The following CCDC171 variants were observed in gnomAD, a reference collection of about 807,000 sequenced individuals.
CCDC171 encodes coiled-coil domain-containing protein 171.
A neutral mutation model predicts 168.2 loss-of-function variants in CCDC171; 177 were observed. That is an observed-to-expected ratio of 1.05 (90% confidence interval 0.93 to 1.19). CCDC171 has a LOEUF of 1.19. Ranked by LOEUF, CCDC171 falls within the 50% of genes most tolerant of loss-of-function variation. The pLI, the probability that CCDC171 is intolerant of heterozygous loss-of-function variation, is 0.00. For missense variants in CCDC171, 1,991 were observed against 1,539.0 expected, an observed-to-expected ratio of 1.29 and a Z score of -4.91; for synonymous variants, 687 against 540.8, an observed-to-expected ratio of 1.27 and a Z score of -3.75.
At chr9:15,901,538 A>ATTT (rs1821667293) in intron 24 of CCDC171, among the ~76,000 whole-genome samples, 1 of 152,242 alleles carries the variant, frequency 6.6e-6, no homozygotes, top group Non-Finnish European at 1.5e-5. Context: ...TAAATATACC[A>ATTT]TAAAATCTAT....
chr9:15,781,054 T>C (rs1382544093), intron 20 of CCDC171, among the ~76,000 whole-genome samples: 1 of 152,156 alleles, frequency 6.6e-6, no homozygotes, highest in African/African-American at 2.4e-5. Flanking sequence ...AGATTTAGAG[T>C]ATAGTCAACT....
chr9:15,830,318 A>C (rs995530714), intron 21 of CCDC171, among the ~76,000 whole-genome samples: 25 of 152,332 alleles, frequency 1.6e-4, no homozygotes, highest in African/African-American at 6.0e-4. Context: ...TACATGTTAT[A>C]ACCAGCAGAG....
At position 15,918,780 on chromosome 9, in the gene CCDC171, TA is replaced by T. The variant is rs549605406; in HGVS notation, c.3601-1489del. On this transcript the variant is annotated intron_variant, in intron 24 of 25. Transcript: ENST00000380701. ...CTTTTTTTCAACTTGAACAGAGTAT[TA>T]TTAATAATTTATTCATTAGATTAGG... is the stretch of plus-strand genomic sequence containing the variant. Among the ~76,000 whole-genome samples the T allele has an allele frequency of 3.8e-3, 571 of 151,726 alleles. 2 individuals carry two copies. Among genetic ancestry groups the T allele is most frequent in the Admixed American group, 8.4e-3 (127 of 15,200 alleles).
At chr9:15,824,319 T>C (rs2059922544) in intron 21 of CCDC171, among the ~76,000 whole-genome samples, 1 of 151,938 alleles carries the variant, frequency 6.6e-6, no homozygotes, top group African/African-American at 2.4e-5. Context: ...TTACAAATAA[T>C]TATACATTTA....
At chr9:15,615,667 A>C (rs1023018373) in intron 6 of CCDC171, among the ~76,000 whole-genome samples, 1 of 152,130 alleles carries the variant, frequency 6.6e-6, no homozygotes, top group African/African-American at 2.4e-5. Flanking sequence ...AAAGGATTAA[A>C]TTTAAACTTG....
chr9:15,952,747 C>T (rs1012104509), intron 25 of CCDC171, among the ~76,000 whole-genome samples: 1 of 152,096 alleles, frequency 6.6e-6, no homozygotes, highest in Non-Finnish European at 1.5e-5. Context: ...ATAGGGAGTG[C>T]ATCGACTCTG....
rs1461127316 is a variant in CCDC171, at chr9:15,798,941, T to G, written c.3267+14247T>G. 2.6e-5 allele frequency among the ~76,000 whole-genome samples: 4 copies of G among 151,884 alleles called. No homozygotes were observed. The East Asian group carries it at 7.7e-4, about 29-fold the overall frequency. On this transcript the variant is annotated intron_variant, in intron 21 of 25. Transcript: ENST00000380701. ...ATTTTAAAATAATATTATTTGACTT[T>G]ATGTATAATACAAAAATCTTACAAC... is the stretch of plus-strand genomic sequence containing the variant.
chr9:15,912,000 C>G (rs151332577), intron 24 of CCDC171, among the ~76,000 whole-genome samples: 223 of 152,244 alleles, frequency 1.5e-3, no homozygotes, highest in African/African-American at 5.3e-3. Context: ...CAGCTTTGTT[C>G]TTTTTGCTTC....
downstream of CCDC171, among the ~76,000 whole-genome samples, chr9:15,977,510 C>T (rs1434517212): frequency 1.3e-5 from 2 of 152,120 alleles, no homozygotes; most frequent in Non-Finnish European, 2.9e-5. Context: ...GTTTTTAAAG[C>T]GCTGACCTTA....
chr9:15,664,760 G>A lies in CCDC171; in HGVS notation c.916-1403G>A, dbSNP rs539913413. Among the ~76,000 whole-genome samples the A allele has an allele frequency of 4.4e-3, 615 of 140,094 alleles. 6 individuals are homozygous for A. Among genetic ancestry groups the A allele is most frequent in the African/African-American group, 0.016 (586 of 36,154 alleles). The allele number at this position is 140,094 out of a possible 152,430, so 91.9% of individuals were successfully genotyped here. On this transcript the variant is annotated intron_variant, in intron 8 of 25. Transcript: ENST00000380701. ...GTTGCTCAGGCTGGAGTGCAATGGC[G>A]TGATCTCGGCTCACTGCAACCTCTG...
At chr9:15,906,426 T>C (rs1037380101) in intron 24 of CCDC171, among the ~76,000 whole-genome samples, 13 of 152,192 alleles carry the variant, frequency 8.5e-5, no homozygotes, top group African/African-American at 2.7e-4. Context: ...AAAATCCATA[T>C]GATTATCTCA....
chr9:15,727,773 G>T, intron 14 of CCDC171, 96 bp from the exon 15 acceptor site: 1 of 899,068 alleles, frequency 1.1e-6, no homozygotes, highest in Non-Finnish European at 1.6e-6. Context: ...TTCCTTTTCA[G>T]GTTTTTTAAA....
At chr9:15,868,779 A>G (rs1026119107) in intron 23 of CCDC171, among the ~76,000 whole-genome samples, 1 of 151,990 alleles carries the variant, frequency 6.6e-6, no homozygotes, top group African/African-American at 2.4e-5. Flanking sequence ...TAGTATCCTC[A>G]TATTAGAGAT....
intron 7 of CCDC171, among the ~76,000 whole-genome samples, chr9:15,634,500 G>T (rs939019337): frequency 6.6e-6 from 1 of 152,136 alleles, no homozygotes; most frequent in Non-Finnish European, 1.5e-5. Flanking sequence ...GTGTATTTCT[G>T]TGTTCAGCTT....
intron 21 of CCDC171, among the ~76,000 whole-genome samples, chr9:15,794,401 G>A (rs2058441179): frequency 6.6e-6 from 1 of 152,230 alleles, no homozygotes; most frequent in Admixed American, 6.5e-5. Context: ...GGAGGCAGAG[G>A]TTGTAGTGAG....
chr9:15,894,273 T>C (rs1237967600), intron 24 of CCDC171, among the ~76,000 whole-genome samples: 3 of 151,876 alleles, frequency 2.0e-5, no homozygotes, highest in Non-Finnish European at 2.9e-5. Context: ...CTGGGGCTTG[T>C]TGGGGGCGAG....
At chr9:15,984,556 C>G (rs905466290) in intron 3 of CCDC171, among the ~76,000 whole-genome samples, 1 of 151,942 alleles carries the variant, frequency 6.6e-6, no homozygotes, top group Non-Finnish European at 1.5e-5. Flanking sequence ...AGCTAGAGAG[C>G]TAGAGTAAGA....
chr9:15,793,534 A>G (rs1172625747), intron 21 of CCDC171, among the ~76,000 whole-genome samples: 2 of 139,256 alleles, frequency 1.4e-5, no homozygotes, highest in Non-Finnish European at 3.0e-5. Context: ...TCAGCACCAC[A>G]TCGCACTTAT....
At chr9:15,571,794 G>T (rs774502645) in intron 3 of CCDC171, 35 bp downstream of exon 3, 43 of 1,542,634 alleles carry the variant, frequency 2.8e-5, no homozygotes, top group Middle Eastern at 1.7e-4. Flanking sequence ...AATGTTAAAA[G>T]TTGAGTTTGA....
Sources: gnomAD v4.1 joint callset for allele counts (sites outside exome capture counted in the v4.1 genomes callset) on GRCh38, gnomAD v4.1.1 for gene constraint, MANE v1.5 for transcripts, NCBI Gene and HGNC (gene_info 2026-07-23, HGNC 2026-07-21) for gene names.